Variants in ATL1 observed in about 807,000 individuals in gnomAD.
ATL1 encodes atlastin GTPase 1, also known as atlastin-1.
ATL1 carries 31 observed loss-of-function variants against 75.5 expected under a neutral mutation model. That is an observed-to-expected ratio of 0.41 (90% CI 0.31 to 0.55). The LOEUF (loss-of-function observed/expected upper bound fraction) is 0.55, where lower values mean the gene tolerates loss of function less well. Among genes scored for constraint, ATL1 ranks in the 20% least tolerant of loss-of-function variants. The pLI, the probability that ATL1 is intolerant of heterozygous loss-of-function variation, is 0.27. For missense variants in ATL1, 405 were observed against 662.6 expected (o/e 0.61, Z 4.27); for synonymous variants, 226 against 233.3 (o/e 0.97, Z 0.28).
intron 1 of ATL1, among the ~76,000 whole-genome samples, chr14:50,584,715 AT>A (rs2039086599): frequency 6.6e-6 from 1 of 151,630 alleles, no homozygotes; most frequent in Non-Finnish European, 1.5e-5. Context: ...TCTCAAAAAA[AT>A]AAATAAATAA....
intron 1 of ATL1, among the ~76,000 whole-genome samples, chr14:50,565,077 A>G (rs901765627): frequency 2.6e-5 from 4 of 152,120 alleles, no homozygotes; most frequent in African/African-American, 9.7e-5. Context: ...ACCTGAGGTC[A>G]GGAGTTCGAG....
intron 1 of ATL1, among the ~76,000 whole-genome samples, chr14:50,535,715 T>C (rs1001421091): frequency 6.6e-6 from 1 of 152,176 alleles, no homozygotes; most frequent in Non-Finnish European, 1.5e-5. Context: ...ATCAGGTCAT[T>C]AGGATGAGAG....
intron 8 of ATL1, among the ~76,000 whole-genome samples, chr14:50,617,743 C>A (rs1188397686): frequency 6.6e-6 from 1 of 152,180 alleles, no homozygotes; most frequent in Non-Finnish European, 1.5e-5. Flanking sequence ...ATCAGCTATT[C>A]ATATATATTA....
In ATL1 at chr14:50,622,020, T is replaced by C. The variant is rs2039471742; in HGVS notation, c.1047+121T>C. Reference sequence around the variant, plus strand: ...ATTTATTGGAAGATTATTTGCCTAATAACTTTACCTATTTATGTGTTCATC... The same window carrying C: ...ATTTATTGGAAGATTATTTGCCTAACAACTTTACCTATTTATGTGTTCATC... On this transcript the variant is annotated intron_variant, in intron 10 of 13. Transcript: ENST00000358385. The C allele has an allele frequency of 4.0e-6, 3 of 759,388 alleles. No individual in the cohort carries two copies. The Admixed American group carries it at 6.2e-5, about 16-fold the overall frequency. The allele number at this position is 759,388 out of a possible 1,614,324, so 47.0% of individuals were successfully genotyped here. A position where few individuals can be genotyped will look rare whatever the true frequency, so the allele number is the denominator to read the frequency against.
chr14:50,558,026 A>G (rs758109359), upstream of ATL1, among the ~76,000 whole-genome samples: 5 of 152,252 alleles, frequency 3.3e-5, no homozygotes, highest in African/African-American at 4.8e-5. Context: ...GATGCATAGC[A>G]CAATTTTTTT....
At chr14:50,544,265 A>T (rs2038600119) in intron 1 of ATL1, among the ~76,000 whole-genome samples, 1 of 152,206 alleles carries the variant, frequency 6.6e-6, no homozygotes, top group Non-Finnish European at 1.5e-5. Context: ...GGAAGCCATG[A>T]TGATCACTTT....
intron 1 of ATL1, among the ~76,000 whole-genome samples, chr14:50,536,758 G>C (rs1357637816): frequency 6.6e-6 from 1 of 152,224 alleles, no homozygotes; most frequent in Non-Finnish European, 1.5e-5. Context: ...TTTTGCCCCT[G>C]CCCTAGAGGT....
At chr14:50,600,238 T>TA in intron 6 of ATL1, among the ~76,000 whole-genome samples, 1 of 149,562 alleles carries the variant, frequency 6.7e-6, no homozygotes, top group East Asian at 1.9e-4. Flanking sequence ...TAAAGATTGA[T>TA]AGAGTTGCGG....
intron 11 of ATL1, among the ~76,000 whole-genome samples, chr14:50,625,996 A>G (rs996496914): frequency 6.6e-6 from 1 of 152,226 alleles, no homozygotes; most frequent in Non-Finnish European, 1.5e-5. Flanking sequence ...AGCTGTTTAC[A>G]GCATGGGTTA....
At chr14:50,600,396 A>G (rs959260367) in intron 6 of ATL1, among the ~76,000 whole-genome samples, 1 of 152,228 alleles carries the variant, frequency 6.6e-6, no homozygotes, top group Non-Finnish European at 1.5e-5. Context: ...ACTCCTAAAC[A>G]TGTTTGGACT....
At chr14:50,595,924 C>A (rs1298221476) in intron 6 of ATL1, among the ~76,000 whole-genome samples, 1 of 151,540 alleles carries the variant, frequency 6.6e-6, no homozygotes, top group Non-Finnish European at 1.5e-5. Context: ...TCTCAAAGTG[C>A]TGGGATTACA....
chr14:50,540,169 G>C (rs2038542957), intron 1 of ATL1, among the ~76,000 whole-genome samples: 6 of 152,206 alleles, frequency 3.9e-5, no homozygotes, highest in Admixed American at 3.9e-4. Flanking sequence ...GTTTAGCACA[G>C]TTACTATAAT....
At chr14:50,587,786 C>A in intron 1 of ATL1, 45 bp from the exon 2 acceptor site, 1 of 1,613,604 alleles carries the variant, frequency 6.2e-7, no homozygotes, top group Non-Finnish European at 8.5e-7. Flanking sequence ...CATTTCTTGG[C>A]ACTTTGAGAT....
chr14:50,579,186 G>C (rs916363354), intron 1 of ATL1, among the ~76,000 whole-genome samples: 1 of 152,100 alleles, frequency 6.6e-6, no homozygotes, highest in African/African-American at 2.4e-5. Context: ...TGAGAGCTAA[G>C]GATGATGGCT....
At chr14:50,623,122 G>A in intron 10 of ATL1, 55 bp from the exon 11 acceptor site, 1 of 1,473,418 alleles carries the variant, frequency 6.8e-7, no homozygotes. Context: ...ACTGCCTGTG[G>A]AAGTTTAATC....
At chr14:50,613,083 G>C (rs2039381266) in intron 6 of ATL1, among the ~76,000 whole-genome samples, 176 bp from the exon 7 acceptor site, 1 of 152,048 alleles carries the variant, frequency 6.6e-6, no homozygotes, top group South Asian at 2.1e-4. Context: ...TATGTAGGAT[G>C]ATCTCATAGG....
intron 13 of ATL1, among the ~76,000 whole-genome samples, chr14:50,631,609 A>G (rs923380084): frequency 6.6e-6 from 1 of 152,240 alleles, no homozygotes; most frequent in Non-Finnish European, 1.5e-5. Flanking sequence ...AAAAACCCAC[A>G]GAGAACAATA....
intron 6 of ATL1, among the ~76,000 whole-genome samples, chr14:50,599,965 T>G (rs1360691117): frequency 6.7e-6 from 1 of 150,212 alleles, no homozygotes; most frequent in Non-Finnish European, 1.5e-5. Flanking sequence ...ATTTACAATA[T>G]GTACTAGACT....
At chr14:50,570,705 C>G (rs2038947194) in intron 1 of ATL1, among the ~76,000 whole-genome samples, 1 of 152,120 alleles carries the variant, frequency 6.6e-6, no homozygotes, top group Non-Finnish European at 1.5e-5. Flanking sequence ...GCCATATTGT[C>G]TTTCTCTAGG....
Sources: gnomAD v4.1 joint callset for allele counts (sites outside exome capture counted in the v4.1 genomes callset) on GRCh38, gnomAD v4.1.1 for gene constraint, MANE v1.5 for transcripts, NCBI Gene and HGNC (gene_info 2026-07-23, HGNC 2026-07-21) for gene names.